Variants in ZBBX observed in about 807,000 individuals in gnomAD.
ZBBX encodes the protein zinc finger B-box domain containing.
ZBBX carries 101 observed loss-of-function variants against 108.5 expected under a neutral mutation model. The observed-to-expected ratio is 0.93, with a 90% CI of 0.79 to 1.10. ZBBX has a LOEUF of 1.10. ZBBX is among the 50% of genes least tolerant of loss of function. The pLI is 0.00. For synonymous variants in ZBBX, 356 were observed against 323.4 expected (o/e 1.10, Z -1.08); for missense variants, 1,009 against 941.4 (o/e 1.07, Z -0.94).
chr3:167,356,197 T>A (rs1197686449), intron 8 of ZBBX, among the ~76,000 whole-genome samples: 2 of 152,116 alleles, frequency 1.3e-5, no homozygotes, highest in Admixed American at 1.3e-4. Flanking sequence ...TTCACACTTT[T>A]AACTTAGGAA....
intron 11 of ZBBX, among the ~76,000 whole-genome samples, chr3:167,327,397 G>A (rs991549392): frequency 6.6e-6 from 1 of 152,066 alleles, no homozygotes; most frequent in Non-Finnish European, 1.5e-5. Context: ...CCATTCATTT[G>A]ACAGTCTGAA....
At chr3:167,225,006 A>G in the ZBBX span, among the ~76,000 whole-genome samples, 1 of 151,868 alleles carries the variant, frequency 6.6e-6, no homozygotes, top group African/African-American at 2.4e-5. Context: ...TTGCAGGAGG[A>G]CCCTTTTTGG....
chr3:167,239,825 G>A (rs979580434), downstream of ZBBX, among the ~76,000 whole-genome samples: 1 of 152,028 alleles, frequency 6.6e-6, no homozygotes, highest in Non-Finnish European at 1.5e-5. Flanking sequence ...TGCTAATAAA[G>A]ACATATTCAA....
chr3:167,189,489 G>A, the ZBBX span, among the ~76,000 whole-genome samples: 2 of 151,968 alleles, frequency 1.3e-5, no homozygotes, highest in Admixed American at 6.6e-5. Context: ...ACACTCATGT[G>A]TACACAAACA....
At chr3:167,280,025 T>G (rs1576874035) in intron 20 of ZBBX, among the ~76,000 whole-genome samples, 1 of 151,898 alleles carries the variant, frequency 6.6e-6, no homozygotes, top group Non-Finnish European at 1.5e-5. Context: ...TAAATGGTGC[T>G]GGGAAAACTG....
the ZBBX span, among the ~76,000 whole-genome samples, chr3:167,200,395 G>T: frequency 6.6e-6 from 1 of 152,086 alleles, no homozygotes; most frequent in Non-Finnish European, 1.5e-5. Context: ...AAAGCTTTCT[G>T]CTAGAGGGCA....
intron 20 of ZBBX, among the ~76,000 whole-genome samples, chr3:167,270,345 G>A (rs1488104725): frequency 6.6e-6 from 1 of 152,148 alleles, no homozygotes; most frequent in East Asian, 1.9e-4. Context: ...CTTATGGATT[G>A]ACTCATATGC....
chr3:167,360,925 G>C (rs1257949263), intron 6 of ZBBX, among the ~76,000 whole-genome samples: 1 of 151,732 alleles, frequency 6.6e-6, no homozygotes, highest in Non-Finnish European at 1.5e-5. Context: ...TCATAAAAAA[G>C]AAAATAAATT....
chr3:167,211,945 G>A, the ZBBX span, among the ~76,000 whole-genome samples: 2 of 152,146 alleles, frequency 1.3e-5, no homozygotes, highest in Admixed American at 1.3e-4. Context: ...AGGTGGAAGG[G>A]ATCCCCTAGC....
intron 20 of ZBBX, among the ~76,000 whole-genome samples, chr3:167,269,734 G>A (rs534584575): frequency 7.9e-5 from 12 of 152,096 alleles, no homozygotes; most frequent in African/African-American, 2.2e-4. Context: ...GGGTCATACC[G>A]GTTAGTACAA....
chr3:167,402,619 A>G (rs1748459475), intron 1 of ZBBX, among the ~76,000 whole-genome samples: 1 of 152,138 alleles, frequency 6.6e-6, no homozygotes, highest in African/African-American at 2.4e-5. Context: ...CCAAAAGCAA[A>G]CCACAGATGA....
chr3:167,378,950 ATT>A (rs1257900595), intron 2 of ZBBX, among the ~76,000 whole-genome samples: 1 of 152,144 alleles, frequency 6.6e-6, no homozygotes, highest in Admixed American at 6.5e-5. Flanking sequence ...GTTTATATAG[ATT>A]TTGTTTCCCT....
At chr3:167,361,460 G>A (rs1744492281) in intron 6 of ZBBX, among the ~76,000 whole-genome samples, 2 of 152,030 alleles carry the variant, frequency 1.3e-5, no homozygotes, top group Non-Finnish European at 2.9e-5. Flanking sequence ...GTCAATTCAG[G>A]CCTAGTTTTC....
At chr3:167,334,282 T>C (rs1739177329) in intron 9 of ZBBX, among the ~76,000 whole-genome samples, 1 of 152,028 alleles carries the variant, frequency 6.6e-6, no homozygotes, top group South Asian at 2.1e-4. Context: ...TTAAGAAAAC[T>C]AAAGCTTAGG....
intron 6 of ZBBX, among the ~76,000 whole-genome samples, chr3:167,362,800 C>T (rs1744731244): frequency 6.6e-6 from 1 of 151,974 alleles, no homozygotes. Flanking sequence ...TATTATTGTG[C>T]TATCATGATT....
chr3:167,211,346 T>C, the ZBBX span, among the ~76,000 whole-genome samples: 1 of 152,156 alleles, frequency 6.6e-6, no homozygotes, highest in Admixed American at 6.6e-5. Context: ...CACTCAGGCT[T>C]GTGTGGAGAT....
intron 9 of ZBBX, among the ~76,000 whole-genome samples, 185 bp from the exon 10 acceptor site, chr3:167,334,170 G>T (rs1482780725): frequency 6.6e-6 from 1 of 152,132 alleles, no homozygotes; most frequent in Non-Finnish European, 1.5e-5. Flanking sequence ...TCTACTGAGG[G>T]AACTAGTTTG....
chr3:167,221,015 G>T, the ZBBX span, among the ~76,000 whole-genome samples: 1 of 151,486 alleles, frequency 6.6e-6, no homozygotes. Context: ...AGAAGTGAAA[G>T]GTTTCCACAA....
chr3:167,310,742 G>A (rs34387215), intron 16 of ZBBX, among the ~76,000 whole-genome samples: 10,493 of 152,124 alleles, frequency 0.069, 451 homozygotes, highest in Non-Finnish European at 0.097. Context: ...TTTGAGATGA[G>A]ATTTGGTTAG....
Sources: allele counts gnomAD v4.1 joint callset (sites outside exome capture counted in the v4.1 genomes callset), GRCh38; gene constraint gnomAD v4.1.1; transcripts MANE v1.5; gene names NCBI Gene and HGNC (gene_info 2026-07-23, HGNC 2026-07-21).